DLG4: variants seen among roughly 807,000 people sequenced by gnomAD.
The protein encoded by DLG4 is disks large homolog 4.
In DLG4, 7 loss-of-function variants were observed where a neutral mutation model predicts 93.8. The ratio of observed to expected loss-of-function variants is 0.07; its 90% CI spans 0.04 to 0.14. DLG4 has a LOEUF of 0.14. Among genes scored for constraint, DLG4 ranks in the 10% least tolerant of loss-of-function variants. DLG4 has a pLI of 1.00. For synonymous variants in DLG4, 341 were observed against 387.6 expected, an observed-to-expected ratio of 0.88 and a Z score of 1.41; for missense variants, 545 against 992.9, an observed-to-expected ratio of 0.55 and a Z score of 6.06.
intron 8 of DLG4, 102 bp downstream of exon 8, chr17:7,202,801 G>A: frequency 1.4e-6 from 2 of 1,432,990 alleles, no homozygotes; most frequent in South Asian, 2.4e-5. Context: ...TATTTCATAG[G>A]GAATATCTGA....
In DLG4 at chr17:7,195,759, CAA is replaced by C. The variant is rs2069743780; in HGVS notation, c.1301+459_1301+460del. On this transcript the variant is annotated intron_variant, in intron 11 of 19. Transcript: ENST00000399506. This position sits in a 1 kb window ranked among gnomAD's most constrained non-coding sequence, Gnocchi z 4.3. The stretch of plus-strand genomic sequence containing the variant: ...TGTGTTTTGGCAGAAACCTAAGCCA[CAA>C]AAAGAGTCAATGGAGACGAGCCCTA... Among the ~76,000 whole-genome samples, 1 of 152,064 alleles carries C rather than the reference CAA, an allele frequency of 6.6e-6. No individual in the cohort carries two copies. Among genetic ancestry groups the C allele is most frequent in the Non-Finnish European group, 1.5e-5 (1 of 68,006 alleles).
rs377281162 is a variant in DLG4, at chr17:7,188,503, G to A, written c.*2205C>T. ...AGTACCCCAGCAGGTGCCCCCAAAG[G>A]TTCATCTGTGCCAAACACATGAAGA... On this transcript the variant is annotated 3_prime_UTR_variant, in exon 20 of 20. Coordinates refer to ENST00000399506, the MANE Select transcript of DLG4 (RefSeq NM_001321075.3). Among the ~76,000 whole-genome samples the A allele has an allele frequency of 6.6e-6, 1 of 152,092 alleles. No homozygotes were observed. Among genetic ancestry groups the A allele is most frequent in the African/African-American group, 2.4e-5 (1 of 41,404 alleles).
Position 7,203,304 on chromosome 17 carries a change from GC to G in DLG4, c.530del (p.Gly177AlafsTer2). ...CTCCTGGGATGTGCTGGTTCCCTAC[GC>G]CCCCTGCGATGCTGAAGCCAAGACC... ...PKGLGFSIAG[G>X]VGNQHIPGDN... On this transcript the variant is annotated frameshift_variant, in exon 7 of 20. Coordinates refer to ENST00000399506, the MANE Select transcript of DLG4 (RefSeq NM_001321075.3). LOFTEE classifies it high-confidence loss of function. This position sits in a 1 kb window ranked among gnomAD's most constrained non-coding sequence, Gnocchi z 7.2. 1 of 1,605,246 alleles carries G rather than the reference GC, an allele frequency of 6.2e-7. No individual in the cohort carries two copies. Among genetic ancestry groups the G allele is most frequent in the Non-Finnish European group, 8.5e-7 (1 of 1,172,928 alleles).
At chr17:7,212,746 A>C (rs1185920793) in intron 1 of DLG4, among the ~76,000 whole-genome samples, 1 of 152,156 alleles carries the variant, frequency 6.6e-6, no homozygotes, top group Non-Finnish European at 1.5e-5. Context: ...CTAAAAAAAA[A>C]AATTTTGGCC....
At position 7,189,555 on chromosome 17, in the gene DLG4, C is replaced by A. The variant is rs1297488948; in HGVS notation, c.*1153G>T. On this transcript the variant is annotated 3_prime_UTR_variant, in exon 20 of 20. Transcript: ENST00000399506. ...CTAGCTCTGTCCACAACTCCATGAA[C>A]ATGAATGAACGAAGTTTCCTCTCTA... 6.6e-6 allele frequency among the ~76,000 whole-genome samples: 1 copy of A among 152,062 alleles called. No homozygotes were observed. The highest frequency in any genetic ancestry group is 1.5e-5 in the Non-Finnish European group (1 of 68,020).
chr17:7,204,823 G>A (rs904014527), intron 2 of DLG4: 5 of 467,884 alleles, frequency 1.1e-5, no homozygotes, highest in Non-Finnish European at 1.4e-5. Context: ...GGGAATCCGG[G>A]GTTCCCCAGC....
chr17:7,188,065 G>A lies in DLG4; in HGVS notation c.*2643C>T, dbSNP rs1280539764. Among the ~76,000 whole-genome samples the A allele has an allele frequency of 1.8e-5, 1 of 54,248 alleles. No homozygotes were observed. Among genetic ancestry groups the A allele is most frequent in the African/African-American group, 8.1e-5 (1 of 12,410 alleles). The allele number at this position is 54,248 out of a possible 152,430, so 35.6% of individuals were successfully genotyped here. A position where few individuals can be genotyped will look rare whatever the true frequency, so the allele number is the denominator to read the frequency against. On this transcript the variant is annotated 3_prime_UTR_variant, in exon 20 of 20. Transcript: ENST00000399506. ...AGCTTGGGCAACAAAAGTGAAACTC[G>A]ACCTCAAAAAAAAAAAAAAAAAAAT...
In DLG4 at chr17:7,194,287, G is replaced by A; in HGVS notation, c.1478+32C>T. ...GGACCTTGGGAACTTCAGTGCCTGTGGCAGGAAGGCTACAGAGCCCAGGAG... is the reference window on the plus strand; with the variant it reads ...GGACCTTGGGAACTTCAGTGCCTGTAGCAGGAAGGCTACAGAGCCCAGGAG... On this transcript the variant is annotated intron_variant, in intron 12 of 19. Transcript: ENST00000399506. This position sits in a 1 kb window ranked among gnomAD's most constrained non-coding sequence, Gnocchi z 4.4. The A allele has an allele frequency of 6.3e-7, 1 of 1,583,744 alleles. No homozygotes were observed. Among genetic ancestry groups the A allele is most frequent in the Non-Finnish European group, 8.6e-7 (1 of 1,165,796 alleles).
At chr17:7,204,690 G>A (rs980549704) in intron 2 of DLG4, among the ~76,000 whole-genome samples, 5 of 151,912 alleles carry the variant, frequency 3.3e-5, no homozygotes, top group African/African-American at 9.7e-5. Flanking sequence ...CATGTCCACC[G>A]GGTCCTGGTC....
chr17:7,201,606 C>T (rs150566854), intron 8 of DLG4, among the ~76,000 whole-genome samples: 3,533 of 152,172 alleles, frequency 0.023, 59 homozygotes, highest in Non-Finnish European at 0.035. Flanking sequence ...GGAGGCCGGG[C>T]GCGGTGGCTC....
rs767626383 is a variant in DLG4, at chr17:7,203,397, G to A, written c.505+27C>T. 3 of 1,595,626 alleles carry A rather than the reference G, an allele frequency of 1.9e-6. No homozygotes were observed. Among genetic ancestry groups the A allele is most frequent in the African/African-American group, 1.3e-5 (1 of 74,586 alleles). ...CTTGGGGGCACAGGACAGTTGGGAT[G>A]GGGGTGGGAACAAAATGAGTTACTA... On this transcript the variant is annotated intron_variant, in intron 6 of 19. Coordinates refer to ENST00000399506, the MANE Select transcript of DLG4 (RefSeq NM_001321075.3). The surrounding 1 kb of genome is among the most constrained non-coding windows in gnomAD (Gnocchi z 7.2).
upstream of DLG4, chr17:7,218,204 C>T (rs1257779990): frequency 1.3e-6 from 2 of 1,585,596 alleles, no homozygotes; most frequent in East Asian, 4.6e-5. Context: ...CCCTGCCTGC[C>T]CCTCAGGAAG....
At chr17:7,206,957 T>C (rs2070490953) in intron 2 of DLG4, among the ~76,000 whole-genome samples, 1 of 152,014 alleles carries the variant, frequency 6.6e-6, no homozygotes, top group Non-Finnish European at 1.5e-5. Flanking sequence ...CTCCCCATCC[T>C]GTGTCCCCAG....
chr17:7,190,963 C>CTTTTTTTTTTTTTTTTTTTTTTTTT (rs35868661), intron 19 of DLG4, 149 bp from the exon 20 acceptor site: 1 of 295,984 alleles, frequency 3.4e-6, no homozygotes, highest in African/African-American at 3.9e-5. Flanking sequence ...AGGGGCACCT[C>CTTTTTTTTTTTTTTTTTTTTTTTTT]TTTTTTTTTT....
upstream of DLG4, chr17:7,218,720 C>A: frequency 1.9e-6 from 3 of 1,555,700 alleles, no homozygotes; most frequent in Non-Finnish European, 2.6e-6. Context: ...TCTCCCCAGA[C>A]TGTGCCCTTC....
Position 7,194,254 on chromosome 17 carries a change from A to G in DLG4, c.1478+65T>C. 4 of 1,538,446 alleles carry G rather than the reference A, an allele frequency of 2.6e-6. No homozygotes were observed. Among genetic ancestry groups the G allele is most frequent in the Non-Finnish European group, 3.5e-6 (4 of 1,139,774 alleles). On this transcript the variant is annotated intron_variant, in intron 12 of 19. Coordinates refer to ENST00000399506, the MANE Select transcript of DLG4 (RefSeq NM_001321075.3). The surrounding 1 kb of genome is among the most constrained non-coding windows in gnomAD (Gnocchi z 4.4). ...CAAACCCATCCCCTGTTGGCTGCCC[A>G]CCCCGGGGGACCTTGGGAACTTCAG...
At chr17:7,197,530 G>A (rs1333520756) in intron 8 of DLG4, among the ~76,000 whole-genome samples, 1 of 151,992 alleles carries the variant, frequency 6.6e-6, no homozygotes, top group Non-Finnish European at 1.5e-5. Context: ...GGAGTCTCAG[G>A]CTGGAGTGCA....
intron 1 of DLG4, among the ~76,000 whole-genome samples, chr17:7,209,642 C>T (rs540146253): frequency 6.6e-6 from 1 of 152,156 alleles, no homozygotes; most frequent in South Asian, 2.1e-4. Context: ...TGGTGGTGCA[C>T]ACCTGTAGTC....
intron 17 of DLG4, 26 bp from the exon 18 acceptor site, chr17:7,192,028 G>T (rs540087847): frequency 3.9e-6 from 5 of 1,288,346 alleles, no homozygotes; most frequent in Non-Finnish European, 5.2e-6. Flanking sequence ...GTGGGCGGAG[G>T]GGGGCCAGCG....
Sources: gnomAD v4.1 joint callset for allele counts (sites outside exome capture counted in the v4.1 genomes callset) on GRCh38, gnomAD v4.1.1 for gene constraint, Gnocchi (gnomAD v3.1) non-coding constraint, MANE v1.5 for transcripts, NCBI Gene and HGNC (gene_info 2026-07-23, HGNC 2026-07-21) for gene names.